Variants in TOX2 observed in about 807,000 individuals in gnomAD.
TOX2 encodes granulosa cell HMG box 1.
A neutral mutation model predicts 47.4 loss-of-function variants in TOX2; 15 were observed. That is an observed-to-expected ratio of 0.32 (90% confidence interval 0.21 to 0.49). TOX2 has a LOEUF of 0.49. Among genes scored for constraint, TOX2 ranks in the 20% least tolerant of loss-of-function variants. The probability of loss-of-function intolerance (pLI) is 0.99; values close to 1 mark genes in which losing one functional copy is unlikely to be tolerated. For synonymous variants in TOX2, 290 were observed against 296.6 expected, an observed-to-expected ratio of 0.98 and a Z score of 0.23; for missense variants, 622 against 673.1, an observed-to-expected ratio of 0.92 and a Z score of 0.84.
rs112089152 is a variant in TOX2, at chr20:44,019,080, T to TTGACTGAC, written c.411+12312_411+12319dup. 2.3e-4 allele frequency among the ~76,000 whole-genome samples: 35 copies of TTGACTGAC among 152,114 alleles called. No individual in the cohort carries two copies. In the East Asian group the frequency reaches 4.6e-3, roughly 20 times the overall value. On this transcript the variant is annotated intron_variant, in intron 3 of 8. Coordinates refer to ENST00000341197, the MANE Select transcript of TOX2 (RefSeq NM_001098797.2). ...GTAGCAGGTGTCTGAAAAAGGTTTG[T>TTGACTGAC]TGACTGACTGACTGACTGACTGACT...
At chr20:44,067,987 C>T (rs189429893) in intron 8 of TOX2, among the ~76,000 whole-genome samples, 4 of 152,280 alleles carry the variant, frequency 2.6e-5, no homozygotes, top group African/African-American at 9.6e-5. Flanking sequence ...CGGCTGGTTC[C>T]TCTGCTGACC....
intron 1 of TOX2, among the ~76,000 whole-genome samples, chr20:43,937,754 C>T (rs899718132): frequency 2.0e-5 from 3 of 152,170 alleles, no homozygotes; most frequent in Non-Finnish European, 4.4e-5. Context: ...AGTCCCCATG[C>T]GGATCTGCCT....
In TOX2 at chr20:43,931,985, G is replaced by C. The variant is rs570219093; in HGVS notation, c.99+16995G>C. ...AGTTCTGTTGGTCCACTCTGGCTTG[G>C]ACTGTGGTGGTGGAGTGGAAATGAA... On this transcript the variant is annotated intron_variant, in intron 1 of 8. Transcript: ENST00000341197. Among the ~76,000 whole-genome samples, 38 of 152,338 alleles carry C rather than the reference G, an allele frequency of 2.5e-4. 1 individual carries two copies. In the South Asian group the frequency reaches 7.9e-3, roughly 32 times the overall value.
Position 43,951,707 on chromosome 20 carries a change from G to GTTTT in TOX2, c.100-21642_100-21639dup, listed in dbSNP as rs59829203. ...TGACCATTACTATTAAACTTATTAT[G>GTTTT]TTTTTTTTTTTTTTTTTTTTTAGAG... On this transcript the variant is annotated intron_variant, in intron 1 of 8. Transcript: ENST00000341197. Among the ~76,000 whole-genome samples the GTTTT allele has an allele frequency of 7.0e-3, 387 of 55,076 alleles. 86 individuals are homozygous for GTTTT. The highest frequency in any genetic ancestry group is 0.011 in the East Asian group (20 of 1,890). The allele number at this position is 55,076 out of a possible 152,430, so 36.1% of individuals were successfully genotyped here. A position where few individuals can be genotyped will look rare whatever the true frequency, so the allele number is the denominator to read the frequency against.
chr20:43,955,511 A>T (rs2069652124), intron 1 of TOX2, among the ~76,000 whole-genome samples: 1 of 151,682 alleles, frequency 6.6e-6, no homozygotes, highest in Non-Finnish European at 1.5e-5. Context: ...TAAAAGGAGA[A>T]TTTTTTTTTA....
chr20:43,963,541 G>C (rs933161727), intron 1 of TOX2, among the ~76,000 whole-genome samples: 1 of 152,220 alleles, frequency 6.6e-6, no homozygotes, highest in Non-Finnish European at 1.5e-5. Flanking sequence ...CTGGACTTCA[G>C]ACTCAGCTCA....
intron 5 of TOX2, among the ~76,000 whole-genome samples, chr20:44,056,033 C>T (rs2071610059): frequency 6.6e-6 from 1 of 152,106 alleles, no homozygotes; most frequent in African/African-American, 2.4e-5. Context: ...GGCACATTGT[C>T]CCAGGAGAAT....
At chr20:43,984,047 G>A (rs1305204288) in intron 2 of TOX2, among the ~76,000 whole-genome samples, 1 of 152,186 alleles carries the variant, frequency 6.6e-6, no homozygotes, top group East Asian at 1.9e-4. Context: ...ATTAAAACCT[G>A]GGTGAAGAGC....
intron 3 of TOX2, among the ~76,000 whole-genome samples, chr20:44,032,555 GAGGTGCC>G (rs1432585484): frequency 6.6e-6 from 1 of 152,182 alleles, no homozygotes; most frequent in African/African-American, 2.4e-5. Context: ...GGAGGCCAGA[GAGGTGCC>G]AGGTGGTGGT....
chr20:43,927,627 CCTTCCTTCCTT>C (rs2069189357), intron 1 of TOX2, among the ~76,000 whole-genome samples: 3 of 105,572 alleles, frequency 2.8e-5, no homozygotes, highest in African/African-American at 3.9e-5. Context: ...CTTCCTTCCT[CCTTCCTTCCTT>C]CCTCCCCTTC....
chr20:44,037,117 C>T (rs2071253908), intron 3 of TOX2, among the ~76,000 whole-genome samples: 1 of 152,162 alleles, frequency 6.6e-6, no homozygotes, highest in African/African-American at 2.4e-5. Flanking sequence ...CCATGACCAG[C>T]TAATTTTTGT....
intron 1 of TOX2, among the ~76,000 whole-genome samples, chr20:43,927,577 A>G (rs376960213): frequency 2.8e-5 from 4 of 144,160 alleles, no homozygotes; most frequent in African/African-American, 7.8e-5. Context: ...TTTGCCACCT[A>G]TGAAGAGTTA....
intron 1 of TOX2, among the ~76,000 whole-genome samples, chr20:43,967,486 G>T (rs566247068): frequency 1.3e-5 from 2 of 151,928 alleles, no homozygotes; most frequent in Non-Finnish European, 2.9e-5. Context: ...GAACCCACAC[G>T]TCCAGGCATC....
At chr20:44,050,680 A>G (rs1427523341) in intron 3 of TOX2, among the ~76,000 whole-genome samples, 1 of 152,240 alleles carries the variant, frequency 6.6e-6, no homozygotes, top group African/African-American at 2.4e-5. Flanking sequence ...GAAGAAAAGT[A>G]CTCAACTTTA....
At chr20:43,920,509 C>G (rs1012660853) in intron 1 of TOX2, among the ~76,000 whole-genome samples, 1 of 152,090 alleles carries the variant, frequency 6.6e-6, no homozygotes, top group East Asian at 1.9e-4. Flanking sequence ...TCCCAGGGAA[C>G]GCTAGATGGA....
chr20:43,962,945 A>C (rs182229059), intron 1 of TOX2, among the ~76,000 whole-genome samples: 31 of 152,364 alleles, frequency 2.0e-4, no homozygotes, highest in Admixed American at 5.2e-4. Context: ...ATTCCAATAC[A>C]TCATCAATAT....
At chr20:44,006,884 C>T (rs975655610) in intron 3 of TOX2, 92 bp downstream of exon 3, 2 of 1,477,524 alleles carry the variant, frequency 1.4e-6, no homozygotes, top group Non-Finnish European at 1.8e-6. Context: ...TTGATAAGAA[C>T]TCTCTGCTCA....
At chr20:44,066,407 C>G (rs183898875) in intron 7 of TOX2, among the ~76,000 whole-genome samples, 1 of 152,194 alleles carries the variant, frequency 6.6e-6, no homozygotes, top group East Asian at 1.9e-4. Context: ...ACCTTACCCC[C>G]GCTAATTGTT....
chr20:43,948,029 T>C (rs960093066), intron 1 of TOX2, among the ~76,000 whole-genome samples: 3 of 152,208 alleles, frequency 2.0e-5, no homozygotes, highest in African/African-American at 7.2e-5. Flanking sequence ...CAGCAACCTC[T>C]CTCAGCCAGA....
Sources: gnomAD v4.1 joint callset for allele counts (sites outside exome capture counted in the v4.1 genomes callset) on GRCh38, gnomAD v4.1.1 for gene constraint, MANE v1.5 for transcripts, NCBI Gene and HGNC (gene_info 2026-07-23, HGNC 2026-07-21) for gene names.